Variants in GRIK2 observed in about 807,000 individuals in gnomAD.
GRIK2 encodes the protein glutamate receptor ionotropic, kainate 2.
In GRIK2, 32 loss-of-function variants were observed where a neutral mutation model predicts 100.3. The observed-to-expected ratio is 0.32, with a 90% confidence interval of 0.24 to 0.43. The LOEUF is 0.43. GRIK2 is among the 20% of genes least tolerant of loss of function. The probability of loss-of-function intolerance (pLI) is 1.00; values close to 1 mark genes in which losing one functional copy is unlikely to be tolerated. For missense variants in GRIK2, 843 were observed against 1,114.9 expected (o/e 0.76, Z 3.47); for synonymous variants, 417 against 389.4 (o/e 1.07, Z -0.83).
At chr6:101,541,116 T>C (rs1432505829) in intron 2 of GRIK2, among the ~76,000 whole-genome samples, 1 of 151,998 alleles carries the variant, frequency 6.6e-6, no homozygotes, top group African/African-American at 2.4e-5. Flanking sequence ...CTTCTATTGC[T>C]ACATGTCTGT....
intron 2 of GRIK2, among the ~76,000 whole-genome samples, chr6:101,503,596 T>G (rs2128274944): frequency 6.6e-6 from 1 of 152,302 alleles, no homozygotes; most frequent in East Asian, 1.9e-4. Context: ...TTTGACATTC[T>G]TCTGGATGTT....
chr6:101,510,707 A>G (rs1378994819), intron 2 of GRIK2, among the ~76,000 whole-genome samples: 2 of 151,640 alleles, frequency 1.3e-5, no homozygotes, highest in African/African-American at 4.8e-5. Context: ...TACTTTTAGT[A>G]GAGACGGGGA....
chr6:101,801,853 A>G (rs1023705796), intron 8 of GRIK2, among the ~76,000 whole-genome samples: 2 of 151,900 alleles, frequency 1.3e-5, no homozygotes, highest in African/African-American at 2.4e-5. Context: ...GCTAGGGGGA[A>G]TGTATATAAT....
chr6:101,423,675 T>G (rs1340120719), intron 2 of GRIK2, among the ~76,000 whole-genome samples: 3 of 152,192 alleles, frequency 2.0e-5, no homozygotes, highest in Non-Finnish European at 4.4e-5. Context: ...TATTGAGTTG[T>G]AGGAACTTCT....
chr6:101,600,981 G>C (rs988825111), intron 2 of GRIK2, among the ~76,000 whole-genome samples: 1 of 151,812 alleles, frequency 6.6e-6, no homozygotes, highest in Non-Finnish European at 1.5e-5. Context: ...GGAGTGATGA[G>C]AGTGGGCAAG....
chr6:101,779,219 T>C (rs1259126053), intron 7 of GRIK2, among the ~76,000 whole-genome samples: 1 of 152,138 alleles, frequency 6.6e-6, no homozygotes, highest in Non-Finnish European at 1.5e-5. Flanking sequence ...ATGGATGGAA[T>C]AGTACTGAGT....
At position 101,984,939 on chromosome 6, in the gene GRIK2, A is replaced by G. The variant is rs146945576; in HGVS notation, c.2086-50402A>G. Among the ~76,000 whole-genome samples the G allele has an allele frequency of 5.7e-3, 858 of 151,782 alleles. 9 individuals are homozygous for G. The highest frequency in any genetic ancestry group is 0.02 in the African/African-American group (819 of 41,494). ...CAGTGAATGTAAGTTGAGTTCTTCA[A>G]TGCCCCATGATCTGCTCCTTCTTCA... On this transcript the variant is annotated intron_variant, in intron 14 of 16. Transcript: ENST00000369134.
intron 2 of GRIK2, among the ~76,000 whole-genome samples, chr6:101,472,214 T>C (rs375694295): frequency 1.2e-4 from 18 of 152,006 alleles, no homozygotes; most frequent in African/African-American, 4.3e-4. Flanking sequence ...AAAGCTTCTC[T>C]TTTGGGATAG....
At chr6:101,412,859 G>A (rs7754142) in intron 2 of GRIK2, among the ~76,000 whole-genome samples, 2,217 of 151,854 alleles carry the variant, frequency 0.015, 52 homozygotes, top group African/African-American at 0.051. Flanking sequence ...ATTGATATAC[G>A]TAAATGTAGA....
chr6:101,732,229 T>G (rs78086871), intron 7 of GRIK2, among the ~76,000 whole-genome samples: 122 of 152,190 alleles, frequency 8.0e-4, no homozygotes, highest in African/African-American at 2.6e-3. Flanking sequence ...TGTCTTGTCT[T>G]TGTTCTACAG....
At chr6:101,650,126 A>G (rs1406556393) in intron 4 of GRIK2, among the ~76,000 whole-genome samples, 1 of 152,116 alleles carries the variant, frequency 6.6e-6, no homozygotes, top group Non-Finnish European at 1.5e-5. Flanking sequence ...GAACTTAGGT[A>G]CTTAAATTCT....
chr6:101,821,227 A>G (rs1781929872), intron 10 of GRIK2, among the ~76,000 whole-genome samples: 2 of 152,150 alleles, frequency 1.3e-5, no homozygotes, highest in Non-Finnish European at 1.5e-5. Flanking sequence ...TTCAGTATTC[A>G]GTGTTATTTT....
At chr6:101,471,799 T>A (rs1179012406) in intron 2 of GRIK2, among the ~76,000 whole-genome samples, 1 of 151,982 alleles carries the variant, frequency 6.6e-6, no homozygotes, top group Non-Finnish European at 1.5e-5. Flanking sequence ...AACATGTCTG[T>A]AAGTTGGCAA....
At chr6:101,936,959 T>A (rs1004260065) in intron 14 of GRIK2, among the ~76,000 whole-genome samples, 2 of 152,108 alleles carry the variant, frequency 1.3e-5, no homozygotes. Context: ...ATAACACCAT[T>A]TTAGGAATTA....
intron 2 of GRIK2, among the ~76,000 whole-genome samples, chr6:101,446,002 T>G (rs1052007947): frequency 8.5e-5 from 13 of 152,206 alleles, no homozygotes; most frequent in Middle Eastern, 3.4e-3. Flanking sequence ...TGTGTCTTAT[T>G]CATTCTGATC....
intron 15 of GRIK2, 105 bp from the exon 16 acceptor site, chr6:102,055,225 C>A: frequency 1.3e-6 from 1 of 789,090 alleles, no homozygotes; most frequent in Non-Finnish European, 2.0e-6. Context: ...CATTGGCACA[C>A]TTTGAAGCAT....
intron 2 of GRIK2, among the ~76,000 whole-genome samples, chr6:101,451,707 G>A (rs1372252994): frequency 2.2e-5 from 3 of 136,256 alleles, no homozygotes; most frequent in African/African-American, 8.3e-5. Context: ...GGGGGGGGGG[G>A]TGCCAAATAC....
At chr6:101,926,195 GTT>G (rs35007201) in intron 13 of GRIK2, among the ~76,000 whole-genome samples, 47 of 127,552 alleles carry the variant, frequency 3.7e-4, no homozygotes, top group South Asian at 7.4e-4. Context: ...GGGTCCAAGG[GTT>G]TTTTTTTTTT....
chr6:101,679,879 C>T (rs1329728791), intron 5 of GRIK2, among the ~76,000 whole-genome samples: 1 of 152,166 alleles, frequency 6.6e-6, no homozygotes, highest in Admixed American at 6.5e-5. Flanking sequence ...GCCGGTATTA[C>T]AGGCAGCTGC....
Sources: gnomAD v4.1 joint callset for allele counts (sites outside exome capture counted in the v4.1 genomes callset) on GRCh38, gnomAD v4.1.1 for gene constraint, MANE v1.5 for transcripts, NCBI Gene and HGNC (gene_info 2026-07-23, HGNC 2026-07-21) for gene names.